The following E2F3 variants were observed in gnomAD, a reference collection of about 807,000 sequenced individuals.
E2F3 encodes E2F transcription factor 3, also known as transcription factor E2F3.
E2F3 carries 11 observed loss-of-function variants against 44.4 expected under a neutral mutation model. The ratio of observed to expected loss-of-function variants is 0.25; its 90% CI spans 0.16 to 0.41. The LOEUF is 0.41. Among genes scored for constraint, E2F3 ranks in the 10% least tolerant of loss-of-function variants. The pLI is 1.00. For synonymous variants in E2F3, 249 were observed against 253.0 expected, an observed-to-expected ratio of 0.98 and a Z score of 0.15; for missense variants, 487 against 583.6, an observed-to-expected ratio of 0.83 and a Z score of 1.70.
chr6:20,479,352 T>G lies in E2F3; in HGVS notation c.394-494T>G, dbSNP rs146322869. 7.5e-3 allele frequency among the ~76,000 whole-genome samples: 1,138 copies of G among 152,114 alleles called. 17 individuals carry two copies. The highest frequency in any genetic ancestry group is 0.025 in the African/African-American group (1,058 of 41,510). On this transcript the variant is annotated intron_variant, in intron 1 of 6. Coordinates refer to ENST00000346618, the MANE Select transcript of E2F3 (RefSeq NM_001949.5). ...GAAACAGTCCCTGCCTTAAAGGAAA[T>G]GAGAAACAGATAAGTCTTACAGTAA...
chr6:20,447,368 G>C (rs377515722), intron 1 of E2F3, among the ~76,000 whole-genome samples: 2 of 151,832 alleles, frequency 1.3e-5, no homozygotes, highest in Non-Finnish European at 2.9e-5. Flanking sequence ...AAGAGAAAGA[G>C]AACAGAGCCT....
At chr6:20,465,793 T>C (rs1309817041) in intron 1 of E2F3, among the ~76,000 whole-genome samples, 1 of 151,422 alleles carries the variant, frequency 6.6e-6, no homozygotes, top group Non-Finnish European at 1.5e-5. Flanking sequence ...TTTTTATGGC[T>C]GAGTAGTATT....
intron 1 of E2F3, among the ~76,000 whole-genome samples, chr6:20,407,088 G>A (rs963912028): frequency 6.6e-6 from 1 of 152,246 alleles, no homozygotes; most frequent in Non-Finnish European, 1.5e-5. Flanking sequence ...AGAACCATAG[G>A]TGCTATTTCA....
intron 1 of E2F3, among the ~76,000 whole-genome samples, chr6:20,404,387 C>G (rs1007533586): frequency 2.0e-5 from 3 of 152,238 alleles, no homozygotes; most frequent in African/African-American, 7.2e-5. Context: ...CTCCATGCCT[C>G]CGGGTCTTCA....
chr6:20,465,892 G>T (rs1176917751), intron 1 of E2F3, among the ~76,000 whole-genome samples: 1 of 152,084 alleles, frequency 6.6e-6, no homozygotes, highest in Non-Finnish European at 1.5e-5. Flanking sequence ...ATTGTGAATC[G>T]TGCTGCTATA....
intron 1 of E2F3, among the ~76,000 whole-genome samples, chr6:20,447,985 T>A (rs1761005359): frequency 6.6e-6 from 1 of 152,196 alleles, no homozygotes; most frequent in Admixed American, 6.5e-5. Context: ...ACATTGGTAA[T>A]CCATCACATC....
chr6:20,438,911 A>G (rs1395105126), intron 1 of E2F3, among the ~76,000 whole-genome samples: 1 of 152,304 alleles, frequency 6.6e-6, no homozygotes, highest in East Asian at 1.9e-4. Flanking sequence ...AACTAACTGC[A>G]TGTTAGAATG....
chr6:20,403,903 G>C (rs2127582106), intron 1 of E2F3: 2 of 985,834 alleles, frequency 2.0e-6, no homozygotes, highest in Admixed American at 5.8e-5. Context: ...GGCTGAAGCG[G>C]TGAGGGTAGG....
At chr6:20,442,761 G>A (rs2127597089) in intron 1 of E2F3, among the ~76,000 whole-genome samples, 1 of 152,276 alleles carries the variant, frequency 6.6e-6, no homozygotes, top group Admixed American at 6.5e-5. Context: ...CCTGAGGTCA[G>A]GAGTTGGAGA....
rs538207591 is a variant in E2F3 at position 20,483,330 on chromosome 6, T to TA, written c.884+411dup. On this transcript the variant is annotated intron_variant, in intron 4 of 6. Coordinates refer to ENST00000346618, the MANE Select transcript of E2F3 (RefSeq NM_001949.5). ...GGCTTCCCAGATTTTTGGTGGGTGT[T>TA]AGCTGTCACTGTTGGGGTTCTCACA... Among the ~76,000 whole-genome samples the TA allele has an allele frequency of 4.6e-5, 7 of 152,332 alleles. No homozygotes were observed. In the South Asian group the frequency reaches 1.5e-3, roughly 32 times the overall value.
chr6:20,447,339 TGAGAGA>T (rs140836992), intron 1 of E2F3, among the ~76,000 whole-genome samples: 3 of 149,908 alleles, frequency 2.0e-5, no homozygotes, highest in Non-Finnish European at 4.5e-5. Flanking sequence ...TGTGTGTGTA[TGAGAGA>T]GAGAGAGAGA....
intron 1 of E2F3, among the ~76,000 whole-genome samples, chr6:20,437,003 C>G (rs1441617305): frequency 1.3e-5 from 2 of 152,010 alleles, no homozygotes; most frequent in Non-Finnish European, 2.9e-5. Flanking sequence ...ACCTGTAATC[C>G]CAGCTATTTG....
intron 1 of E2F3, among the ~76,000 whole-genome samples, chr6:20,461,592 G>A (rs868573155): frequency 3.3e-5 from 5 of 151,876 alleles, no homozygotes; most frequent in African/African-American, 9.7e-5. Flanking sequence ...CTTTTACTAC[G>A]TATTTATTAA....
chr6:20,430,228 T>C (rs1166840168), intron 1 of E2F3, among the ~76,000 whole-genome samples: 1 of 152,204 alleles, frequency 6.6e-6, no homozygotes, highest in African/African-American at 2.4e-5. Flanking sequence ...CCATGCAATA[T>C]TGGGGATATA....
chr6:20,414,842 T>C (rs1759790635), intron 1 of E2F3, among the ~76,000 whole-genome samples: 1 of 152,156 alleles, frequency 6.6e-6, no homozygotes, highest in South Asian at 2.1e-4. Flanking sequence ...GGAAGGCGTG[T>C]GGACTTGAAG....
chr6:20,415,478 C>A (rs543554289), intron 1 of E2F3, among the ~76,000 whole-genome samples: 1 of 152,116 alleles, frequency 6.6e-6, no homozygotes, highest in African/African-American at 2.4e-5. Flanking sequence ...CCCTGGCCTC[C>A]GCCCACTTAG....
chr6:20,465,883 T>C (rs1377200996), intron 1 of E2F3, among the ~76,000 whole-genome samples: 2 of 152,192 alleles, frequency 1.3e-5, no homozygotes, highest in Admixed American at 6.5e-5. Context: ...ATTTTTGCAA[T>C]TGTGAATCGT....
intron 1 of E2F3, among the ~76,000 whole-genome samples, chr6:20,403,025 G>C (rs1272436355): frequency 6.6e-6 from 1 of 152,026 alleles, no homozygotes; most frequent in Non-Finnish European, 1.5e-5. Flanking sequence ...TAGTGAACTG[G>C]GGTGTGGGGG....
chr6:20,445,490 G>A (rs554959212), intron 1 of E2F3, among the ~76,000 whole-genome samples: 5 of 152,124 alleles, frequency 3.3e-5, no homozygotes, highest in South Asian at 2.1e-4. Context: ...CACCGTGCCC[G>A]GCCTCTCCAT....
Sources: gnomAD v4.1 joint callset for allele counts (sites outside exome capture counted in the v4.1 genomes callset) on GRCh38, gnomAD v4.1.1 for gene constraint, MANE v1.5 for transcripts, NCBI Gene and HGNC (gene_info 2026-07-23, HGNC 2026-07-21) for gene names.